The following ATOSA variants were observed in gnomAD, a reference collection of about 807,000 sequenced individuals.
ATOSA encodes atos homolog A.
At chr15:52,583,301 G>A in the ATOSA span, among the ~76,000 whole-genome samples, 2 of 152,188 alleles carry the variant, frequency 1.3e-5, no homozygotes, top group African/African-American at 2.4e-5. Context: ...AACTTCAAGA[G>A]GAATGCTGTC....
the ATOSA span, among the ~76,000 whole-genome samples, chr15:52,630,393 A>G: frequency 1.3e-5 from 2 of 152,224 alleles, no homozygotes; most frequent in Admixed American, 1.3e-4. Flanking sequence ...AATGCTGACA[A>G]AAGATGAATA....
At chr15:52,609,864 C>G in the ATOSA span, 5 of 1,613,774 alleles carry the variant, frequency 3.1e-6, no homozygotes, top group Middle Eastern at 6.6e-4. Context: ...GCCAGAAACT[C>G]TGGCGGTTAG....
the ATOSA span, among the ~76,000 whole-genome samples, chr15:52,699,395 T>C: frequency 6.6e-6 from 1 of 151,910 alleles, no homozygotes; most frequent in Non-Finnish European, 1.5e-5. Context: ...AAAGTATATA[T>C]GGTCATCCTT....
chr15:52,600,793 GTTT>G, the ATOSA span, among the ~76,000 whole-genome samples: 3 of 140,920 alleles, frequency 2.1e-5, no homozygotes, highest in African/African-American at 7.8e-5. Context: ...GGCCAAGGTT[GTTT>G]TTTTTTTTTC....
the ATOSA span, among the ~76,000 whole-genome samples, chr15:52,671,636 AC>A: frequency 6.6e-6 from 1 of 152,166 alleles, no homozygotes; most frequent in Admixed American, 6.5e-5. Context: ...GGCTGCTCAG[AC>A]AAAGAATAAC....
chr15:52,636,668 C>A, the ATOSA span, among the ~76,000 whole-genome samples: 1 of 152,164 alleles, frequency 6.6e-6, no homozygotes, highest in Non-Finnish European at 1.5e-5. Context: ...TTAAGTCACC[C>A]AGTCTATCGT....
At chr15:52,661,389 A>G in the ATOSA span, among the ~76,000 whole-genome samples, 1 of 152,244 alleles carries the variant, frequency 6.6e-6, no homozygotes, top group African/African-American at 2.4e-5. Context: ...GCATGAAGTA[A>G]TACAAAATAC....
the ATOSA span, among the ~76,000 whole-genome samples, chr15:52,595,186 C>T: frequency 6.6e-6 from 1 of 152,176 alleles, no homozygotes; most frequent in Non-Finnish European, 1.5e-5. Context: ...ATAGTAGATA[C>T]ACAAGTACTA....
At chr15:52,607,411 G>A in the ATOSA span, among the ~76,000 whole-genome samples, 3 of 152,200 alleles carry the variant, frequency 2.0e-5, no homozygotes, top group Non-Finnish European at 4.4e-5. Context: ...GCAACAGGAG[G>A]AATTAATTCA....
the ATOSA span, chr15:52,605,260 A>G: frequency 6.5e-7 from 1 of 1,533,544 alleles, no homozygotes; most frequent in Non-Finnish European, 8.9e-7. Context: ...TTAGGAAAAT[A>G]ATTAGATGTT....
At chr15:52,708,738 A>T in the ATOSA span, among the ~76,000 whole-genome samples, 1 of 152,132 alleles carries the variant, frequency 6.6e-6, no homozygotes, top group Admixed American at 6.5e-5. Flanking sequence ...TTCTTACCAA[A>T]ACGCTTAAGT....
chr15:52,677,128 A>AAT, the ATOSA span, among the ~76,000 whole-genome samples: 1 of 152,218 alleles, frequency 6.6e-6, no homozygotes, highest in Non-Finnish European at 1.5e-5. Flanking sequence ...CAACCAGTTT[A>AAT]ATATATATAA....
chr15:52,677,504 T>C, the ATOSA span, among the ~76,000 whole-genome samples: 2 of 152,234 alleles, frequency 1.3e-5, no homozygotes, highest in South Asian at 4.1e-4. Flanking sequence ...TATGCTGGTA[T>C]ATTGAATACT....
chr15:52,622,189 G>A, the ATOSA span, among the ~76,000 whole-genome samples: 1 of 152,114 alleles, frequency 6.6e-6, no homozygotes, highest in African/African-American at 2.4e-5. Flanking sequence ...CTTTATACTG[G>A]CATTTGTGAA....
chr15:52,600,052 A>T, the ATOSA span: 1 of 621,366 alleles, frequency 1.6e-6, no homozygotes, highest in Non-Finnish European at 2.8e-6. Context: ...AACCAAAGTT[A>T]AAGACATATA....
chr15:52,598,367 G>T, the ATOSA span, among the ~76,000 whole-genome samples: 3 of 152,152 alleles, frequency 2.0e-5, no homozygotes, highest in African/African-American at 7.2e-5. Flanking sequence ...GACTATTTGG[G>T]TGTTATTCTG....
chr15:52,702,614 G>A, the ATOSA span, among the ~76,000 whole-genome samples: 8 of 152,012 alleles, frequency 5.3e-5, no homozygotes, highest in Non-Finnish European at 1.0e-4. Flanking sequence ...CTGGGGGCAG[G>A]GAGGGAGGAG....
chr15:52,648,999 T>C, the ATOSA span, among the ~76,000 whole-genome samples: 4 of 152,104 alleles, frequency 2.6e-5, no homozygotes, highest in African/African-American at 9.7e-5. Flanking sequence ...CTGAGCCTCA[T>C]CACAAAGGAT....
chr15:52,705,911 C>T, the ATOSA span, among the ~76,000 whole-genome samples: 21 of 152,248 alleles, frequency 1.4e-4, no homozygotes, highest in Non-Finnish European at 1.0e-4. Context: ...CAGTTATGTA[C>T]AGTAGAAGTT....
Sources: allele counts gnomAD v4.1 joint callset (sites outside exome capture counted in the v4.1 genomes callset), GRCh38; gene constraint gnomAD v4.1.1; transcripts MANE v1.5; gene names NCBI Gene and HGNC (gene_info 2026-07-23, HGNC 2026-07-21).